PIEZO2: variants seen among roughly 807,000 people sequenced by gnomAD.
PIEZO2 encodes the protein piezo type mechanosensitive ion channel component 2.
Under a neutral mutation model 337.3 loss-of-function variants are expected in PIEZO2, and 172 were observed. The ratio of observed to expected loss-of-function variants is 0.51; its 90% confidence interval spans 0.45 to 0.58. The LOEUF is 0.58. PIEZO2 is among the 20% of genes least tolerant of loss of function. PIEZO2 has a pLI of 0.00. For synonymous variants in PIEZO2, 1,251 were observed against 1,228.5 expected, an observed-to-expected ratio of 1.02 and a Z score of -0.38; for missense variants, 3,028 against 3,391.3, an observed-to-expected ratio of 0.89 and a Z score of 2.66.
At position 11,110,948 on chromosome 18, in the gene PIEZO2, G is replaced by A. The variant is rs1201864298; in HGVS notation, c.64+37577C>T. Among the ~76,000 whole-genome samples the A allele has an allele frequency of 6.6e-6, 1 of 152,182 alleles. No homozygotes were observed. The highest frequency in any genetic ancestry group is 2.4e-5 in the African/African-American group (1 of 41,442). ...CTGTGCCCCGCAAGCTCCCCTCCAT[G>A]TGGTCTGCGTCAGAGTCCACCATGA... is the stretch of plus-strand genomic sequence containing the variant. On this transcript the variant is annotated intron_variant, in intron 1 of 55. Transcript: ENST00000674853. This position sits in a 1 kb window ranked among gnomAD's most constrained non-coding sequence, Gnocchi z 4.2.
intron 1 of PIEZO2, among the ~76,000 whole-genome samples, chr18:11,117,374 C>G (rs1295165888): frequency 6.6e-6 from 1 of 152,138 alleles, no homozygotes; most frequent in South Asian, 2.1e-4. Flanking sequence ...GGGATGTACC[C>G]AACTAGCGGA....
Position 10,696,381 on chromosome 18 carries a change from C to T in PIEZO2, c.6975+11G>A, listed in dbSNP as rs763811321. 6.2e-7 allele frequency: 1 copy of T among 1,614,128 alleles called. No individual in the cohort carries two copies. Among genetic ancestry groups the T allele is most frequent in the Non-Finnish European group, 8.5e-7 (1 of 1,179,992 alleles). ...GTCAGGGCGGGTGCTGTGGCCTTTGCCCCAACCTACCCCAAAGGCCCAAAA... is the reference window on the plus strand; with the variant it reads ...GTCAGGGCGGGTGCTGTGGCCTTTGTCCCAACCTACCCCAAAGGCCCAAAA... On this transcript the variant is annotated intron_variant, in intron 46 of 55. Transcript: ENST00000674853.
intron 30 of PIEZO2, among the ~76,000 whole-genome samples, chr18:10,747,071 T>C (rs143523021): frequency 2.2e-3 from 333 of 152,328 alleles, no homozygotes; most frequent in African/African-American, 7.8e-3. Context: ...TTGAACACAC[T>C]ATTATGAGTT....
chr18:11,066,025 T>G lies in PIEZO2; in HGVS notation c.160+102A>C, dbSNP rs1282838335. On this transcript the variant is annotated intron_variant, in intron 2 of 55. Coordinates refer to ENST00000674853, the MANE Select transcript of PIEZO2 (RefSeq NM_001378183.1). ...TCCATGCCATATTAGCCCTGCTGCA[T>G]AGATAACATCTCTGCCATTAGATAA... 8 of 888,788 alleles carry G rather than the reference T, an allele frequency of 9.0e-6. No individual in the cohort carries two copies. The East Asian group carries it at 1.3e-4, about 15-fold the overall frequency. The allele number at this position is 888,788 out of a possible 1,614,324, so 55.1% of individuals were successfully genotyped here.
At chr18:10,810,213 T>C (rs1228274346) in intron 7 of PIEZO2, among the ~76,000 whole-genome samples, 1 of 152,122 alleles carries the variant, frequency 6.6e-6, no homozygotes, top group Non-Finnish European at 1.5e-5. Context: ...AGATTTTATG[T>C]TAAATACTTA....
chr18:11,061,366 C>T (rs1029212848), intron 2 of PIEZO2, among the ~76,000 whole-genome samples: 5 of 150,648 alleles, frequency 3.3e-5, no homozygotes, highest in South Asian at 2.2e-4. Context: ...TGCCCTCTCT[C>T]ACCACTCCTA....
chr18:10,901,430 G>GCACACACA (rs34887184), intron 4 of PIEZO2, among the ~76,000 whole-genome samples: 158 of 147,990 alleles, frequency 1.1e-3, no homozygotes, highest in African/African-American at 3.8e-3. Context: ...ACACACACAC[G>GCACACACA]CACACACACA....
intron 32 of PIEZO2, among the ~76,000 whole-genome samples, chr18:10,741,402 T>C (rs2037212769): frequency 6.6e-6 from 1 of 152,232 alleles, no homozygotes; most frequent in Non-Finnish European, 1.5e-5. Flanking sequence ...TCACATTGAA[T>C]ATTCCATTGT....
chr18:11,108,253 A>T (rs75177701), intron 1 of PIEZO2, among the ~76,000 whole-genome samples: 5,328 of 152,286 alleles, frequency 0.035, 123 homozygotes, highest in East Asian at 0.085. Context: ...TACCTGCAGA[A>T]TCTTAGACGG....
chr18:10,920,283 C>T (rs1009781192), intron 3 of PIEZO2, among the ~76,000 whole-genome samples: 5 of 152,034 alleles, frequency 3.3e-5, no homozygotes, highest in African/African-American at 1.2e-4. Flanking sequence ...GTGTGCATAG[C>T]GTGTGTGTTG....
chr18:10,898,338 G>A (rs560672393), intron 4 of PIEZO2, among the ~76,000 whole-genome samples: 26 of 152,084 alleles, frequency 1.7e-4, no homozygotes, highest in African/African-American at 4.3e-4. Context: ...GGAGAATGGC[G>A]TGAACCCAGG....
chr18:10,731,592 T>A (rs1598410940), intron 35 of PIEZO2, 71 bp from the exon 36 acceptor site: 1 of 953,722 alleles, frequency 1.0e-6, no homozygotes, highest in East Asian at 3.1e-5. Flanking sequence ...ACACCAAGCT[T>A]CCTGACTTTT....
intron 4 of PIEZO2, among the ~76,000 whole-genome samples, chr18:10,886,638 A>G (rs1432850870): frequency 6.6e-6 from 1 of 150,566 alleles, no homozygotes. Context: ...ATACCATGAT[A>G]AAATTTATGT....
At position 11,125,130 on chromosome 18, in the gene PIEZO2, C is replaced by A. The variant is rs1315633464; in HGVS notation, c.64+23395G>T. 1.3e-5 allele frequency among the ~76,000 whole-genome samples: 2 copies of A among 150,292 alleles called. No homozygotes were observed. Among genetic ancestry groups the A allele is most frequent in the East Asian group, 3.9e-4 (2 of 5,150 alleles). ...TCATACCCATTTCACAGAGCATTTGCAAATATTAAATGGGAGAAAGAACAC... is the reference window on the plus strand; with the variant it reads ...TCATACCCATTTCACAGAGCATTTGAAAATATTAAATGGGAGAAAGAACAC... On this transcript the variant is annotated intron_variant, in intron 1 of 55. Coordinates refer to ENST00000674853, the MANE Select transcript of PIEZO2 (RefSeq NM_001378183.1). The surrounding 1 kb of genome is among the most constrained non-coding windows in gnomAD (Gnocchi z 4.4).
At chr18:10,751,605 G>GC (rs34954180) in intron 28 of PIEZO2, among the ~76,000 whole-genome samples, 5 of 151,976 alleles carry the variant, frequency 3.3e-5, no homozygotes, top group South Asian at 4.2e-4. Flanking sequence ...TGATACACGT[G>GC]CCCCCCCGAA....
chr18:10,858,470 T>C (rs903546371), intron 5 of PIEZO2, among the ~76,000 whole-genome samples: 1 of 152,174 alleles, frequency 6.6e-6, no homozygotes, highest in Non-Finnish European at 1.5e-5. Context: ...ATATCTTTAG[T>C]CTCACAAAGC....
In PIEZO2 at chr18:10,794,245, AC is replaced by A. The variant is rs140177636; in HGVS notation, c.1758+526del. Reference sequence around the variant, plus strand: ...CAAATAAGTAATGAGAAGAGTATGAACATTCTAACTCAGATAAGAACATATC... The same window carrying A: ...CAAATAAGTAATGAGAAGAGTATGAAATTCTAACTCAGATAAGAACATATC... On this transcript the variant is annotated intron_variant, in intron 13 of 55. Transcript: ENST00000674853. The surrounding 1 kb of genome is among the most constrained non-coding windows in gnomAD (Gnocchi z 6.6). Among the ~76,000 whole-genome samples the A allele has an allele frequency of 0.17, 25,547 of 152,136 alleles. 2,464 individuals carry two copies. Among genetic ancestry groups the A allele is most frequent in the East Asian group, 0.39 (2,032 of 5,170 alleles).
chr18:10,689,086 C>T (rs2034681849), intron 49 of PIEZO2, among the ~76,000 whole-genome samples: 1 of 152,144 alleles, frequency 6.6e-6, no homozygotes, highest in African/African-American at 2.4e-5. Flanking sequence ...TTCATATCAC[C>T]CCAGCTAATG....
At position 10,942,814 on chromosome 18, in the gene PIEZO2, G is replaced by A. The variant is rs2032798243; in HGVS notation, c.287-31586C>T. ...CAGCCCCTCCCATCACAAGCCTGAA[G>A]GCCTAGGTAAAACAAGTGATTTAGT... On this transcript the variant is annotated intron_variant, in intron 3 of 55. Transcript: ENST00000674853. This position sits in a 1 kb window ranked among gnomAD's most constrained non-coding sequence, Gnocchi z 4.4. Among the ~76,000 whole-genome samples the A allele has an allele frequency of 6.6e-6, 1 of 152,164 alleles. No homozygotes were observed. Among genetic ancestry groups the A allele is most frequent in the African/African-American group, 2.4e-5 (1 of 41,452 alleles).
Sources: allele counts gnomAD v4.1 joint callset (sites outside exome capture counted in the v4.1 genomes callset), GRCh38; gene constraint gnomAD v4.1.1; non-coding constraint Gnocchi (gnomAD v3.1); transcripts MANE v1.5; gene names NCBI Gene and HGNC (gene_info 2026-07-23, HGNC 2026-07-21).